CNTN5: variants seen among roughly 807,000 people sequenced by gnomAD.
CNTN5 encodes contactin 5.
CNTN5 carries 77 observed loss-of-function variants against 129.1 expected under a neutral mutation model. That is an observed-to-expected ratio of 0.60 (90% CI 0.50 to 0.72). CNTN5 has a LOEUF of 0.72. CNTN5 is among the 30% of genes least tolerant of loss of function. CNTN5 has a pLI of 0.00. For synonymous variants in CNTN5, 509 were observed against 465.6 expected, an observed-to-expected ratio of 1.09 and a Z score of -1.20; for missense variants, 1,478 against 1,328.8, an observed-to-expected ratio of 1.11 and a Z score of -1.75.
intron 21 of CNTN5, among the ~76,000 whole-genome samples, chr11:100,325,454 G>A (rs1026119905): frequency 2.6e-5 from 4 of 152,126 alleles, no homozygotes; most frequent in Non-Finnish European, 5.9e-5. Context: ...CAATCACAGT[G>A]AGTGGTATAA....
intron 2 of CNTN5, among the ~76,000 whole-genome samples, chr11:99,335,060 C>A (rs1866164515): frequency 6.6e-6 from 1 of 152,146 alleles, no homozygotes. Context: ...AGAGCTGTTT[C>A]AACCACTGCT....
intron 15 of CNTN5, among the ~76,000 whole-genome samples, chr11:100,208,427 T>C (rs1208174512): frequency 6.6e-6 from 1 of 152,158 alleles, no homozygotes; most frequent in Non-Finnish European, 1.5e-5. Context: ...TTTCTCATCA[T>C]CCACCAGGCT....
intron 16 of CNTN5, among the ~76,000 whole-genome samples, chr11:100,239,209 G>A (rs1398487592): frequency 1.3e-5 from 2 of 152,092 alleles, no homozygotes; most frequent in East Asian, 1.9e-4. Context: ...TTTACAGAAG[G>A]ACTTTTCATG....
chr11:99,959,922 T>A (rs1312814156), intron 8 of CNTN5, among the ~76,000 whole-genome samples: 1 of 142,704 alleles, frequency 7.0e-6, no homozygotes, highest in East Asian at 1.9e-4. Flanking sequence ...GGCTTTTATT[T>A]GTCCATTTTT....
chr11:99,845,129 T>C lies in CNTN5; in HGVS notation c.444T>C (p.Tyr148=), dbSNP rs1947643423. The change falls in exon 6 of 25, where the codon TAT becomes TAC. Residue 148 remains tyrosine (Y), a synonymous_variant. Transcript: ENST00000524871. Reference sequence around the variant, plus strand: ...CAGAAATAGATCTGGAAAGTGATTATCGCTACAGTTTGATAGATGGCACCT... The same window carrying C: ...CAGAAATAGATCTGGAAAGTGATTACCGCTACAGTTTGATAGATGGCACCT... ...NGTEIDLESD[Y]RYSLIDGTFI... 6.2e-7 allele frequency: 1 copy of C among 1,613,688 alleles called. No individual in the cohort carries two copies. The highest frequency in any genetic ancestry group is 8.5e-7 in the Non-Finnish European group (1 of 1,179,838).
At chr11:99,612,550 T>G (rs566607408) in intron 3 of CNTN5, among the ~76,000 whole-genome samples, 2 of 152,310 alleles carry the variant, frequency 1.3e-5, no homozygotes, top group African/African-American at 4.8e-5. Context: ...ATTGTCTTCT[T>G]TAGTCTTTTT....
intron 16 of CNTN5, among the ~76,000 whole-genome samples, chr11:100,241,211 T>G (rs1949735086): frequency 6.6e-6 from 1 of 152,328 alleles, no homozygotes; most frequent in Non-Finnish European, 1.5e-5. Flanking sequence ...CTATTTGTAA[T>G]TATTCGTACC....
chr11:99,851,221 C>T (rs554638566), intron 6 of CNTN5, among the ~76,000 whole-genome samples: 1 of 152,042 alleles, frequency 6.6e-6, no homozygotes, highest in African/African-American at 2.4e-5. Context: ...ATAAACCTAA[C>T]CCTCACAAGG....
intron 2 of CNTN5, among the ~76,000 whole-genome samples, chr11:99,336,827 C>CAA (rs138317113): frequency 3.9e-4 from 53 of 135,244 alleles, no homozygotes; most frequent in East Asian, 8.5e-4. Flanking sequence ...GACTCTGTCT[C>CAA]AAAAAAAAAG....
At chr11:99,966,770 C>A (rs1051781924) in intron 8 of CNTN5, among the ~76,000 whole-genome samples, 1 of 152,146 alleles carries the variant, frequency 6.6e-6, no homozygotes, top group African/African-American at 2.4e-5. Context: ...GTGACTCCTT[C>A]TAATACTTAC....
chr11:99,511,738 G>A (rs545130000), intron 2 of CNTN5, among the ~76,000 whole-genome samples: 38 of 152,016 alleles, frequency 2.5e-4, no homozygotes, highest in African/African-American at 8.7e-4. Context: ...TGTATTGGGT[G>A]CATATATATT....
chr11:99,781,492 T>G (rs1945308787), intron 3 of CNTN5, among the ~76,000 whole-genome samples: 1 of 152,062 alleles, frequency 6.6e-6, no homozygotes, highest in South Asian at 2.1e-4. Flanking sequence ...AATGTCTTCT[T>G]AACCCCTTAT....
chr11:99,940,905 A>G (rs940085721), intron 7 of CNTN5, among the ~76,000 whole-genome samples: 1 of 125,206 alleles, frequency 8.0e-6, no homozygotes, highest in Non-Finnish European at 1.8e-5. Flanking sequence ...AAATCTCAAA[A>G]TGGTAGTCTT....
intron 6 of CNTN5, among the ~76,000 whole-genome samples, chr11:99,859,594 C>A (rs754199621): frequency 6.6e-6 from 1 of 152,254 alleles, no homozygotes; most frequent in Admixed American, 6.5e-5. Flanking sequence ...CAGGTGAGAA[C>A]GTGTGGTATT....
intron 15 of CNTN5, among the ~76,000 whole-genome samples, chr11:100,206,603 C>G (rs1425657253): frequency 1.6e-4 from 25 of 151,990 alleles, no homozygotes; most frequent in Admixed American, 1.6e-3. Context: ...GAAATTATTA[C>G]AACTGTAACA....
chr11:99,345,201 A>C (rs1937752097), intron 2 of CNTN5, among the ~76,000 whole-genome samples: 3 of 152,136 alleles, frequency 2.0e-5, no homozygotes, highest in Admixed American at 2.0e-4. Context: ...TAAAACATAC[A>C]CTCAGGAATA....
intron 1 of CNTN5, among the ~76,000 whole-genome samples, chr11:99,126,820 T>C (rs1251837348): frequency 6.6e-6 from 1 of 152,208 alleles, no homozygotes; most frequent in Non-Finnish European, 1.5e-5. Context: ...TCTGCTTCTA[T>C]TCCTCTTTGC....
intron 2 of CNTN5, among the ~76,000 whole-genome samples, chr11:99,353,919 C>T (rs774636834): frequency 4.6e-5 from 7 of 152,176 alleles, no homozygotes; most frequent in East Asian, 1.9e-4. Flanking sequence ...GTTTACCCCA[C>T]GTGAAGGCTG....
intron 15 of CNTN5, among the ~76,000 whole-genome samples, chr11:100,193,868 A>G (rs1948565540): frequency 6.6e-6 from 1 of 151,942 alleles, no homozygotes; most frequent in African/African-American, 2.4e-5. Flanking sequence ...TAAAAAACTG[A>G]GAATACCTCA....
Sources: gnomAD v4.1 joint callset for allele counts (sites outside exome capture counted in the v4.1 genomes callset) on GRCh38, gnomAD v4.1.1 for gene constraint, MANE v1.5 for transcripts, NCBI Gene and HGNC (gene_info 2026-07-23, HGNC 2026-07-21) for gene names.